CCNJL: variants seen among roughly 807,000 people sequenced by gnomAD.
CCNJL encodes the protein cyclin-J-like protein.
Under a neutral mutation model 33.4 loss-of-function variants are expected in CCNJL, and 33 were observed. That is an observed-to-expected ratio of 0.99 (90% CI 0.75 to 1.32). The LOEUF is 1.32. CCNJL is among the 40% of genes most tolerant of loss of function. CCNJL has a pLI of 0.00. For synonymous variants in CCNJL, 227 were observed against 220.9 expected (o/e 1.03, Z -0.24); for missense variants, 512 against 499.7 (o/e 1.02, Z -0.23).
chr5:160,311,928 T>C lies in CCNJL; in HGVS notation c.-5A>G. On this transcript the variant is annotated 5_prime_UTR_variant, in exon 2 of 6. Coordinates refer to ENST00000257536, the MANE Select transcript of CCNJL (RefSeq NM_001308173.3). ...CCACCACGGCTCATCCATCATCGCG[T>C]ACGCAGCGCCGCTATCCGAGGCTAC... The C allele has an allele frequency of 6.2e-7, 1 of 1,613,958 alleles. No homozygotes were observed. Among genetic ancestry groups the C allele is most frequent in the Non-Finnish European group, 8.5e-7 (1 of 1,179,918 alleles).
chr5:160,265,858 G>GAA (rs200091163), intron 3 of CCNJL, among the ~76,000 whole-genome samples: 4 of 97,158 alleles, frequency 4.1e-5, no homozygotes, highest in Non-Finnish European at 4.6e-5. Context: ...GTCTCCAGGG[G>GAA]AAAAAAAAAA....
intron 1 of CCNJL, among the ~76,000 whole-genome samples, chr5:160,324,285 C>T (rs1763508798): frequency 6.6e-6 from 1 of 152,174 alleles, no homozygotes; most frequent in Admixed American, 6.5e-5. Flanking sequence ...TTAAATCTAT[C>T]TATCTGGCCA....
chr5:160,330,445 G>A (rs995169010), intron 1 of CCNJL, among the ~76,000 whole-genome samples: 17 of 152,074 alleles, frequency 1.1e-4, no homozygotes, highest in African/African-American at 4.1e-4. Flanking sequence ...ACTTCCTGCC[G>A]CCTCCGCACC....
chr5:160,292,058 T>C (rs950852991), intron 2 of CCNJL, among the ~76,000 whole-genome samples: 2 of 151,990 alleles, frequency 1.3e-5, no homozygotes, highest in Non-Finnish European at 2.9e-5. Context: ...TAAGACCCCG[T>C]CTCTTTAAAA....
chr5:160,326,292 T>C (rs548074986), intron 1 of CCNJL, among the ~76,000 whole-genome samples: 11 of 152,086 alleles, frequency 7.2e-5, no homozygotes, highest in African/African-American at 2.4e-4. Flanking sequence ...CTGGCCAATA[T>C]GGTGAAACCC....
At chr5:160,280,224 C>T (rs1287450131) in intron 3 of CCNJL, among the ~76,000 whole-genome samples, 1 of 152,146 alleles carries the variant, frequency 6.6e-6, no homozygotes, top group Admixed American at 6.5e-5. Flanking sequence ...CCGGGCAGCC[C>T]AAAACTGGCT....
chr5:160,257,342 G>A (rs1238177885), intron 4 of CCNJL, among the ~76,000 whole-genome samples: 1 of 152,012 alleles, frequency 6.6e-6, no homozygotes, highest in Non-Finnish European at 1.5e-5. Context: ...AGGCGTGGTG[G>A]CGGGCGCCTG....
At chr5:160,322,057 G>A (rs72814324) in intron 1 of CCNJL, among the ~76,000 whole-genome samples, 10,844 of 152,158 alleles carry the variant, frequency 0.071, 461 homozygotes, top group East Asian at 0.15. Flanking sequence ...GGGGGAAGAG[G>A]TGAAGGGAGT....
chr5:160,259,474 A>T lies in CCNJL; in HGVS notation c.578T>A (p.Leu193Gln), dbSNP rs1423140025. 6.2e-7 allele frequency: 1 copy of T among 1,609,760 alleles called. No individual in the cohort carries two copies. Among genetic ancestry groups the T allele is most frequent in the Non-Finnish European group, 8.5e-7 (1 of 1,177,254 alleles). ...EYAHYFLEVT[L>Q]QDHIFYKFQP... Reference sequence around the variant, plus strand: ...CATCGGGTCCCAGCTGTCACCTTGCAGGGTGACCTCTAGGAAGTAATGGGC... The same window carrying T: ...CATCGGGTCCCAGCTGTCACCTTGCTGGGTGACCTCTAGGAAGTAATGGGC... Residue 193 changes from leucine (L) to glutamine (Q), a missense_variant, in exon 4 of 6, where the codon CTG becomes CAG. By Grantham distance (113) the Leu-to-Gln change is moderately radical. Transcript: ENST00000257536.
chr5:160,275,272 GA>G (rs984972868), intron 3 of CCNJL, among the ~76,000 whole-genome samples: 5 of 151,864 alleles, frequency 3.3e-5, no homozygotes, highest in Non-Finnish European at 5.9e-5. Flanking sequence ...TTTTAGTAGA[GA>G]GGGGGTTTCA....
chr5:160,259,847 A>G (rs1761244765), intron 3 of CCNJL, 76 bp from the exon 4 acceptor site: 1 of 1,247,218 alleles, frequency 8.0e-7, no homozygotes, highest in African/African-American at 1.5e-5. Flanking sequence ...CCCACCTTAC[A>G]GTGCCTGGAC....
intron 3 of CCNJL, among the ~76,000 whole-genome samples, chr5:160,263,401 G>A (rs1019592477): frequency 2.6e-5 from 4 of 152,192 alleles, no homozygotes; most frequent in African/African-American, 9.7e-5. Context: ...TTTGGATCCA[G>A]AATCCAAACT....
intron 1 of CCNJL, among the ~76,000 whole-genome samples, chr5:160,323,337 C>T (rs372966898): frequency 2.6e-5 from 4 of 152,154 alleles, no homozygotes; most frequent in East Asian, 1.9e-4. Flanking sequence ...TCTAGCAAAG[C>T]TCCCACCTCA....
At chr5:160,280,300 T>C (rs928737659) in intron 3 of CCNJL, among the ~76,000 whole-genome samples, 1 of 152,136 alleles carries the variant, frequency 6.6e-6, no homozygotes, top group Non-Finnish European at 1.5e-5. Context: ...AGGGCCACTG[T>C]GTGGATTGAG....
At chr5:160,285,157 T>C (rs1210312578) in intron 2 of CCNJL, among the ~76,000 whole-genome samples, 2 of 152,198 alleles carry the variant, frequency 1.3e-5, no homozygotes, top group East Asian at 3.8e-4. Context: ...ACCACTGCAC[T>C]CTAGCTTGGG....
chr5:160,327,716 A>C (rs1323118321), intron 1 of CCNJL, among the ~76,000 whole-genome samples: 1 of 152,210 alleles, frequency 6.6e-6, no homozygotes, highest in Non-Finnish European at 1.5e-5. Flanking sequence ...AAAGCTCCAG[A>C]GTAAGGAGAG....
At chr5:160,335,887 T>C (rs1763678288) in intron 1 of CCNJL, among the ~76,000 whole-genome samples, 1 of 152,054 alleles carries the variant, frequency 6.6e-6, no homozygotes, top group South Asian at 2.1e-4. Context: ...CCCAGACCCC[T>C]TGCTCTTTTT....
chr5:160,296,229 A>C (rs1159258719), intron 2 of CCNJL, among the ~76,000 whole-genome samples: 1 of 152,192 alleles, frequency 6.6e-6, no homozygotes, highest in African/African-American at 2.4e-5. Context: ...TAACATACAC[A>C]AGGCACTTAA....
chr5:160,314,024 C>A (rs945643185), upstream of CCNJL, among the ~76,000 whole-genome samples: 4 of 152,122 alleles, frequency 2.6e-5, no homozygotes, highest in Non-Finnish European at 5.9e-5. Flanking sequence ...AAAAAATTAG[C>A]CGAGTGTGGT....
Sources: allele counts gnomAD v4.1 joint callset (sites outside exome capture counted in the v4.1 genomes callset), GRCh38; gene constraint gnomAD v4.1.1; transcripts MANE v1.5; gene names NCBI Gene and HGNC (gene_info 2026-07-23, HGNC 2026-07-21).